The following STK31 variants were observed in gnomAD, a reference collection of about 807,000 sequenced individuals.
The protein encoded by STK31 is serine/threonine-protein kinase 31.
Under a neutral mutation model 129.7 loss-of-function variants are expected in STK31, and 89 were observed. That is an observed-to-expected ratio of 0.69 (90% confidence interval 0.58 to 0.82). STK31 has a LOEUF of 0.82. STK31 is among the 40% of genes least tolerant of loss of function. STK31 has a pLI of 0.00. For synonymous variants in STK31, 448 were observed against 395.3 expected, an observed-to-expected ratio of 1.13 and a Z score of -1.58; for missense variants, 1,187 against 1,176.4, an observed-to-expected ratio of 1.01 and a Z score of -0.13.
At chr7:23,808,576 G>T (rs757034259) in intron 22 of STK31, among the ~76,000 whole-genome samples, 4 of 152,070 alleles carry the variant, frequency 2.6e-5, no homozygotes, top group Non-Finnish European at 5.9e-5. Context: ...GGGAGTGGAA[G>T]TAAGCCCTGT....
chr7:23,822,420 A>T (rs1315308634), intron 23 of STK31, among the ~76,000 whole-genome samples: 1 of 151,932 alleles, frequency 6.6e-6, no homozygotes, highest in African/African-American at 2.4e-5. Flanking sequence ...TACTTTCTTG[A>T]TGTCTTTCTT....
intron 6 of STK31, among the ~76,000 whole-genome samples, chr7:23,731,300 C>T (rs892159148): frequency 2.6e-5 from 4 of 152,054 alleles, no homozygotes; most frequent in South Asian, 2.1e-4. Flanking sequence ...TTAGAAAGTC[C>T]GTGTTTAGTT....
chr7:23,740,649 C>T (rs1474953318), intron 8 of STK31, among the ~76,000 whole-genome samples: 2 of 152,090 alleles, frequency 1.3e-5, no homozygotes, highest in African/African-American at 4.8e-5. Flanking sequence ...TCACCACTCC[C>T]CCCACCCCAC....
chr7:23,717,541 C>G lies in STK31; in HGVS notation c.211C>G (p.Gln71Glu), dbSNP rs1395698637. ...TTGCTCACTGTCTGAAGTTTGCCCC[C>G]AGGCCAGTTCAGTTTTGGGGAATCT... ...IGCSLSEVCPQASSVLGNLDP... is the reference protein window; with the variant it reads ...IGCSLSEVCPEASSVLGNLDP... The change falls in exon 4 of 24, where the codon CAG (glutamine) becomes GAG (glutamate). Residue 71 changes from glutamine to glutamate, a missense_variant. Coordinates refer to ENST00000355870, the MANE Select transcript of STK31 (RefSeq NM_031414.5). The G allele has an allele frequency of 1.2e-6, 2 of 1,612,980 alleles. No homozygotes were observed. The highest frequency in any genetic ancestry group is 3.3e-5 in the Admixed American group (2 of 59,910).
chr7:23,763,715 T>C (rs1789624035), intron 11 of STK31, among the ~76,000 whole-genome samples: 1 of 152,220 alleles, frequency 6.6e-6, no homozygotes, highest in African/African-American at 2.4e-5. Flanking sequence ...CATTTGTCTG[T>C]TGATACTCTG....
At chr7:23,744,013 G>A (rs1178927706) in intron 8 of STK31, among the ~76,000 whole-genome samples, 1 of 151,848 alleles carries the variant, frequency 6.6e-6, no homozygotes, top group Non-Finnish European at 1.5e-5. Context: ...TCCAACTTCT[G>A]TGCTCAATCA....
intron 22 of STK31, among the ~76,000 whole-genome samples, chr7:23,805,081 CT>C (rs66605281): frequency 0.29 from 42,490 of 147,962 alleles, 7,090 homozygotes; most frequent in African/African-American, 0.48. Flanking sequence ...CTCTCTCTCT[CT>C]TTTTTTTTTT....
At chr7:23,731,684 T>A (rs1228737466) in intron 6 of STK31, among the ~76,000 whole-genome samples, 2 of 152,200 alleles carry the variant, frequency 1.3e-5, no homozygotes, top group Non-Finnish European at 2.9e-5. Context: ...ACAGTCAGAA[T>A]TGATGCTCAG....
At chr7:23,749,567 G>T (rs1239220301) in intron 8 of STK31, among the ~76,000 whole-genome samples, 2 of 149,462 alleles carry the variant, frequency 1.3e-5, no homozygotes, top group Non-Finnish European at 3.0e-5. Flanking sequence ...TGCCCAGGCT[G>T]GTCTTGAACT....
chr7:23,797,827 G>A (rs1458609303), intron 22 of STK31, among the ~76,000 whole-genome samples: 1 of 152,138 alleles, frequency 6.6e-6, no homozygotes, highest in African/African-American at 2.4e-5. Flanking sequence ...CCAGGAGCTG[G>A]TTTCTTGAAA....
At chr7:23,793,416 T>C (rs1791759279) in intron 22 of STK31, among the ~76,000 whole-genome samples, 1 of 152,178 alleles carries the variant, frequency 6.6e-6, no homozygotes, top group African/African-American at 2.4e-5. Flanking sequence ...ATGGAAAACC[T>C]TGCTCTTCTA....
chr7:23,772,981 G>T (rs56237352), intron 15 of STK31, among the ~76,000 whole-genome samples: 2 of 151,998 alleles, frequency 1.3e-5, no homozygotes, highest in Non-Finnish European at 2.9e-5. Flanking sequence ...GAACTTTCTA[G>T]TTTTATTCTA....
At chr7:23,756,246 C>T (rs1584392205) in intron 10 of STK31, among the ~76,000 whole-genome samples, 1 of 152,084 alleles carries the variant, frequency 6.6e-6, no homozygotes, top group South Asian at 2.1e-4. Flanking sequence ...GTATTTTATT[C>T]TGTTTGTAGC....
At chr7:23,822,770 C>G (rs775807515) in intron 23 of STK31, among the ~76,000 whole-genome samples, 1 of 152,122 alleles carries the variant, frequency 6.6e-6, no homozygotes, top group Non-Finnish European at 1.5e-5. Context: ...CAACAGTCCC[C>G]GGTATGTGAT....
At chr7:23,728,634 CT>C (rs1787225779) in intron 5 of STK31, among the ~76,000 whole-genome samples, 1 of 152,074 alleles carries the variant, frequency 6.6e-6, no homozygotes, top group Non-Finnish European at 1.5e-5. Context: ...GGTGGTGAAT[CT>C]GATTAGTTTA....
intron 23 of STK31, among the ~76,000 whole-genome samples, chr7:23,827,977 G>C (rs969548692): frequency 6.6e-6 from 1 of 152,138 alleles, no homozygotes; most frequent in Non-Finnish European, 1.5e-5. Context: ...AGGAGTACCC[G>C]GCTGTGTGAG....
At position 23,736,925 on chromosome 7, in the gene STK31, C is replaced by A; in HGVS notation, c.864C>A (p.Asp288Glu). ...TFPKESLAVG[D>E]FNLGSNVSLE... ...ATAGGGAAAGTTTGGCTGTTGGTGA[C>A]TTTAATTTAGGGTCTAACGTCAGCC... Residue 288 changes from aspartate to glutamate, a missense_variant, in exon 8 of 24, where the codon GAC (aspartate) becomes GAA (glutamate). Asp to Glu is a conservative substitution (Grantham distance 45, BLOSUM62 2). Transcript: ENST00000355870. 1 of 1,603,334 alleles carries A rather than the reference C, an allele frequency of 6.2e-7. No homozygotes were observed. Among genetic ancestry groups the A allele is most frequent in the Middle Eastern group, 1.7e-4 (1 of 5,992 alleles).
chr7:23,779,840 G>C (rs1368534113), intron 15 of STK31, among the ~76,000 whole-genome samples: 1 of 152,212 alleles, frequency 6.6e-6, no homozygotes, highest in African/African-American at 2.4e-5. Flanking sequence ...TTTCAGGGGA[G>C]TCAACGGTTC....
intron 5 of STK31, 136 bp from the exon 6 acceptor site, chr7:23,728,955 T>G: frequency 1.6e-6 from 1 of 644,738 alleles, no homozygotes; most frequent in East Asian, 3.1e-5. Context: ...AATCTGTTTC[T>G]GAATGTATTT....
Sources: gnomAD v4.1 joint callset for allele counts (sites outside exome capture counted in the v4.1 genomes callset) on GRCh38, gnomAD v4.1.1 for gene constraint, MANE v1.5 for transcripts, NCBI Gene and HGNC (gene_info 2026-07-23, HGNC 2026-07-21) for gene names.